The following IMMP2L variants were observed in gnomAD, a reference collection of about 807,000 sequenced individuals.
IMMP2L encodes the protein inner mitochondrial membrane peptidase subunit 2.
Under a neutral mutation model 19.3 loss-of-function variants are expected in IMMP2L, and 18 were observed. That is an observed-to-expected ratio of 0.93 (90% confidence interval 0.64 to 1.38). The LOEUF (loss-of-function observed/expected upper bound fraction) is 1.38, where lower values mean the gene tolerates loss of function less well. Among genes scored for constraint, IMMP2L ranks in the 40% most tolerant of loss-of-function variants. The pLI is 0.00. For missense variants in IMMP2L, 233 were observed against 218.2 expected (o/e 1.07, Z -0.43); for synonymous variants, 76 against 73.0 (o/e 1.04, Z -0.21).
intron 3 of IMMP2L, among the ~76,000 whole-genome samples, chr7:111,335,242 T>C (rs1291759823): frequency 6.6e-6 from 1 of 152,116 alleles, no homozygotes; most frequent in African/African-American, 2.4e-5. Context: ...TTTAAAACCA[T>C]ATTTGATGAA....
intron 2 of IMMP2L, among the ~76,000 whole-genome samples, chr7:111,502,661 G>C (rs1844414676): frequency 6.6e-6 from 1 of 151,738 alleles, no homozygotes; most frequent in East Asian, 1.9e-4. Flanking sequence ...TCAGGATTAA[G>C]AAACTCACTC....
chr7:111,545,587 T>C (rs1848856698), intron 1 of IMMP2L, among the ~76,000 whole-genome samples: 1 of 152,098 alleles, frequency 6.6e-6, no homozygotes, highest in Non-Finnish European at 1.5e-5. Flanking sequence ...GGTTTCACCA[T>C]GTTGGCCAGG....
intron 5 of IMMP2L, among the ~76,000 whole-genome samples, chr7:110,823,574 C>T (rs1176066558): frequency 6.6e-6 from 1 of 152,054 alleles, no homozygotes; most frequent in Non-Finnish European, 1.5e-5. Context: ...AAATAAATTT[C>T]AGTTTGTGGA....
intron 3 of IMMP2L, among the ~76,000 whole-genome samples, chr7:111,241,803 T>C (rs945501841): frequency 6.6e-6 from 1 of 151,808 alleles, no homozygotes; most frequent in Non-Finnish European, 1.5e-5. Flanking sequence ...GGATGATTTA[T>C]AGAACTGAGT....
In IMMP2L at chr7:111,547,504, T is replaced by C. The variant is rs895636242; in HGVS notation, c.-3+14347A>G. ...CCATTGTAGGCTAAACAAACTGTCA[T>C]ACCCCCCCCCCCTTTTTATCCTGCT... On this transcript the variant is annotated intron_variant, in intron 1 of 5. Transcript: ENST00000405709. 1.0e-4 allele frequency among the ~76,000 whole-genome samples: 4 copies of C among 38,480 alleles called. No individual in the cohort carries two copies. The Admixed American group carries it at 1.4e-3, about 14-fold the overall frequency. 25.2% of individuals were successfully genotyped at this position (38,480 alleles called of 152,430 possible).
At chr7:110,800,234 G>A (rs1377988549) in intron 5 of IMMP2L, among the ~76,000 whole-genome samples, 2 of 151,874 alleles carry the variant, frequency 1.3e-5, no homozygotes, top group Non-Finnish European at 2.9e-5. Context: ...GTATCAAGAG[G>A]GAAGTCTGCA....
At chr7:110,751,275 C>T (rs867714721) in intron 5 of IMMP2L, among the ~76,000 whole-genome samples, 2 of 151,708 alleles carry the variant, frequency 1.3e-5, no homozygotes, top group Middle Eastern at 3.4e-3. Flanking sequence ...ATATGATAGA[C>T]GGTTAGAACC....
intron 5 of IMMP2L, among the ~76,000 whole-genome samples, chr7:110,840,955 T>C (rs1476304765): frequency 6.6e-6 from 1 of 152,044 alleles, no homozygotes; most frequent in Non-Finnish European, 1.5e-5. Flanking sequence ...GGTAGTAATA[T>C]AACAAACCAT....
chr7:110,844,693 T>TAGCACACCAGCATGGCACATGTATACA (rs1563019069), intron 5 of IMMP2L, among the ~76,000 whole-genome samples: 8 of 116,738 alleles, frequency 6.9e-5, no homozygotes, highest in Non-Finnish European at 1.2e-4. Flanking sequence ...GGGAAGACAG[T>TAGCACACCAGCATGGCACATGTATACA]TAAGAAACTT....
chr7:111,006,448 T>A (rs1824302441), intron 3 of IMMP2L, among the ~76,000 whole-genome samples: 1 of 152,188 alleles, frequency 6.6e-6, no homozygotes, highest in Non-Finnish European at 1.5e-5. Flanking sequence ...ACAACTAGTT[T>A]AATCCCTTGA....
At chr7:111,237,078 A>C (rs2129627289) in intron 3 of IMMP2L, among the ~76,000 whole-genome samples, 1 of 152,284 alleles carries the variant, frequency 6.6e-6, no homozygotes. Context: ...TTTCAAATGG[A>C]CAAAAAAGAA....
chr7:110,979,219 A>G (rs1166636416), intron 3 of IMMP2L, among the ~76,000 whole-genome samples: 3 of 152,102 alleles, frequency 2.0e-5, no homozygotes, highest in Non-Finnish European at 1.5e-5. Context: ...TTCTCTGGGG[A>G]AGAGTGTACT....
chr7:111,135,534 T>C (rs1802251641), intron 3 of IMMP2L, among the ~76,000 whole-genome samples: 2 of 152,156 alleles, frequency 1.3e-5, no homozygotes, highest in South Asian at 2.1e-4. Context: ...GATCTTTAAA[T>C]ACTCTGGCTT....
chr7:110,918,999 T>G (rs1411291648), intron 4 of IMMP2L, among the ~76,000 whole-genome samples: 2 of 152,114 alleles, frequency 1.3e-5, no homozygotes, highest in African/African-American at 4.8e-5. Context: ...TTGAGTAGAT[T>G]AGAGTGAACA....
At chr7:111,146,927 C>G (rs1206188113) in intron 3 of IMMP2L, among the ~76,000 whole-genome samples, 1 of 152,064 alleles carries the variant, frequency 6.6e-6, no homozygotes, top group Non-Finnish European at 1.5e-5. Flanking sequence ...ATCTTTGTGT[C>G]ATACGTTTCT....
At chr7:110,706,975 G>A (rs574569361) in intron 5 of IMMP2L, among the ~76,000 whole-genome samples, 2 of 145,898 alleles carry the variant, frequency 1.4e-5, no homozygotes, top group African/African-American at 2.5e-5. Context: ...TTTACAGTTT[G>A]AGGTGTTACA....
chr7:110,787,724 C>T (rs561702080), intron 5 of IMMP2L, among the ~76,000 whole-genome samples: 24 of 151,900 alleles, frequency 1.6e-4, no homozygotes, highest in Non-Finnish European at 2.8e-4. Context: ...TTTCTGAATA[C>T]GCTTTATATG....
At chr7:111,512,927 C>T (rs575030312) in intron 2 of IMMP2L, among the ~76,000 whole-genome samples, 232 of 152,202 alleles carry the variant, frequency 1.5e-3, no homozygotes, top group African/African-American at 4.5e-3. Flanking sequence ...AGACCCTTAT[C>T]TCACACCATA....
intron 4 of IMMP2L, among the ~76,000 whole-genome samples, chr7:110,937,302 T>C (rs2129552528): frequency 6.6e-6 from 1 of 152,282 alleles, no homozygotes; most frequent in African/African-American, 2.4e-5. Flanking sequence ...GTGATGTGAA[T>C]ATATGTGAAG....
Sources: gnomAD v4.1 joint callset for allele counts (sites outside exome capture counted in the v4.1 genomes callset) on GRCh38, gnomAD v4.1.1 for gene constraint, MANE v1.5 for transcripts, NCBI Gene and HGNC (gene_info 2026-07-23, HGNC 2026-07-21) for gene names.